The following LRRC37A2 variants were observed in gnomAD, a reference collection of about 807,000 sequenced individuals.
The protein encoded by LRRC37A2 is leucine-rich repeat-containing protein 37A2.
Under a neutral mutation model 68.8 loss-of-function variants are expected in LRRC37A2, and 9 were observed. That is an observed-to-expected ratio of 0.13 (90% CI 0.08 to 0.23). The LOEUF is 0.23. LRRC37A2 is among the 10% of genes least tolerant of loss of function. LRRC37A2 has a pLI of 1.00. For synonymous variants in LRRC37A2, 63 were observed against 367.6 expected (o/e 0.17, Z 9.48); for missense variants, 168 against 950.4 (o/e 0.18, Z 10.82).
the LRRC37A2 span, among the ~76,000 whole-genome samples, chr17:46,595,206 A>G: frequency 8.4e-4 from 9 of 10,680 alleles, no homozygotes; most frequent in Admixed American, 1.2e-3. Flanking sequence ...AATAATGTTC[A>G]GAAACTATCT....
chr17:46,895,386 C>T, the LRRC37A2 span, among the ~76,000 whole-genome samples: 1 of 152,376 alleles, frequency 6.6e-6, no homozygotes, highest in Non-Finnish European at 1.5e-5. Context: ...CAAATCCTAA[C>T]TTCCCCATTT....
At chr17:46,392,417 CTCTCTTTCTTTCTCTCTTTCTT>C in the LRRC37A2 span, among the ~76,000 whole-genome samples, 2 of 58,410 alleles carry the variant, frequency 3.4e-5, no homozygotes, top group Non-Finnish European at 7.9e-5. Flanking sequence ...CTTTCTCTCT[CTCTCTTTCTTTCTCTCTTTCTT>C]TCTTTCTTTC....
At chr17:46,713,824 T>C in the LRRC37A2 span, 3 of 1,597,082 alleles carry the variant, frequency 1.9e-6, no homozygotes, top group East Asian at 2.3e-5. Flanking sequence ...TTGGCTTTTT[T>C]CCCCTGACTT....
chr17:46,458,789 C>T, the LRRC37A2 span, among the ~76,000 whole-genome samples: 18 of 109,498 alleles, frequency 1.6e-4, 2 homozygotes, highest in Non-Finnish European at 2.7e-4. Flanking sequence ...GATCTGCCCG[C>T]CTTGGCCTCC....
At chr17:46,766,251 T>A in the LRRC37A2 span, among the ~76,000 whole-genome samples, 1 of 151,756 alleles carries the variant, frequency 6.6e-6, no homozygotes. Context: ...CTACTAAAAA[T>A]AAAAAAATTA....
At chr17:46,938,278 A>G in the LRRC37A2 span, among the ~76,000 whole-genome samples, 1 of 152,164 alleles carries the variant, frequency 6.6e-6, no homozygotes, top group East Asian at 1.9e-4. Context: ...TATAATGTGA[A>G]TTGAGGTTCA....
chr17:46,841,155 T>G, the LRRC37A2 span, among the ~76,000 whole-genome samples: 1 of 152,226 alleles, frequency 6.6e-6, no homozygotes, highest in African/African-American at 2.4e-5. Flanking sequence ...TACCATTTAT[T>G]GAGCACCTAC....
At chr17:46,823,154 A>G in the LRRC37A2 span, among the ~76,000 whole-genome samples, 7 of 100,512 alleles carry the variant, frequency 7.0e-5, no homozygotes, top group Non-Finnish European at 1.3e-4. Context: ...ATATATATTT[A>G]TATATTATAT....
chr17:46,708,804 T>TTTTA, the LRRC37A2 span, among the ~76,000 whole-genome samples: 6 of 64,390 alleles, frequency 9.3e-5, no homozygotes, highest in South Asian at 7.3e-4. Context: ...ACCATTTATT[T>TTTTA]TATATATATA....
chr17:46,558,155 G>A (rs1466291182), downstream of LRRC37A2, among the ~76,000 whole-genome samples: 1 of 119,632 alleles, frequency 8.4e-6, no homozygotes, highest in Non-Finnish European at 1.7e-5. Flanking sequence ...CGCCTCCTGG[G>A]TTCAAGCAAG....
the LRRC37A2 span, among the ~76,000 whole-genome samples, chr17:46,842,337 T>C: frequency 6.6e-6 from 1 of 152,182 alleles, no homozygotes; most frequent in Non-Finnish European, 1.5e-5. Flanking sequence ...GGGCTGCTGC[T>C]CTACAACCTC....
the LRRC37A2 span, among the ~76,000 whole-genome samples, chr17:46,945,714 C>T: frequency 7.4e-4 from 113 of 152,212 alleles, no homozygotes; most frequent in African/African-American, 2.6e-3. Context: ...CTTCTGGCCT[C>T]CTCTAAGAGT....
the LRRC37A2 span, among the ~76,000 whole-genome samples, chr17:46,403,754 A>G: frequency 1.1e-5 from 1 of 90,518 alleles, no homozygotes; most frequent in Non-Finnish European, 2.5e-5. Context: ...ACTGGAGTAC[A>G]GTGACACGAT....
chr17:46,740,387 TAAAC>T, the LRRC37A2 span, among the ~76,000 whole-genome samples: 2 of 152,106 alleles, frequency 1.3e-5, no homozygotes, highest in Non-Finnish European at 2.9e-5. Flanking sequence ...AGCATTTTAA[TAAAC>T]AAATGCTATG....
At chr17:46,782,188 C>A in the LRRC37A2 span, among the ~76,000 whole-genome samples, 1 of 152,170 alleles carries the variant, frequency 6.6e-6, no homozygotes, top group South Asian at 2.1e-4. Context: ...TTTCTCCATG[C>A]GGAAATCTAA....
At chr17:46,923,257 G>T in the LRRC37A2 span, 1 of 1,550,692 alleles carries the variant, frequency 6.4e-7, no homozygotes, top group Non-Finnish European at 8.7e-7. Context: ...GGGGCTAGAC[G>T]AGGCGAGGCC....
the LRRC37A2 span, among the ~76,000 whole-genome samples, chr17:46,781,446 G>A: frequency 6.6e-6 from 1 of 151,708 alleles, no homozygotes; most frequent in African/African-American, 2.4e-5. Context: ...TCTGATGCAA[G>A]CTACAACATA....
chr17:46,722,085 G>A, the LRRC37A2 span: 1 of 1,610,902 alleles, frequency 6.2e-7, no homozygotes, highest in Non-Finnish European at 8.5e-7. Flanking sequence ...TCCAGCTCCA[G>A]AAGAGCCTGG....
At chr17:46,832,610 C>G in the LRRC37A2 span, among the ~76,000 whole-genome samples, 1 of 152,112 alleles carries the variant, frequency 6.6e-6, no homozygotes, top group African/African-American at 2.4e-5. Context: ...AGCCCCTGCC[C>G]CCGCCCCTGC....
Sources: gnomAD v4.1 joint callset for allele counts (sites outside exome capture counted in the v4.1 genomes callset) on GRCh38, gnomAD v4.1.1 for gene constraint, MANE v1.5 for transcripts, NCBI Gene and HGNC (gene_info 2026-07-23, HGNC 2026-07-21) for gene names.